Variants in UNC13B observed in about 807,000 individuals in gnomAD.
UNC13B encodes the protein protein unc-13 homolog B.
Under a neutral mutation model 211.0 loss-of-function variants are expected in UNC13B, and 144 were observed. That is an observed-to-expected ratio of 0.68 (90% CI 0.60 to 0.78). The LOEUF is 0.78. Ranked by LOEUF, UNC13B falls within the 30% of genes least tolerant of loss-of-function variation. The pLI is 0.00. For missense variants in UNC13B, 1,777 were observed against 2,002.0 expected, an observed-to-expected ratio of 0.89 and a Z score of 2.14; for synonymous variants, 709 against 725.8, an observed-to-expected ratio of 0.98 and a Z score of 0.37.
chr9:35,206,185 A>T (rs1823630807), intron 1 of UNC13B, among the ~76,000 whole-genome samples: 1 of 152,030 alleles, frequency 6.6e-6, no homozygotes, highest in Admixed American at 6.6e-5. Context: ...GCAGAGGGAG[A>T]CCCTGTCTCA....
intron 1 of UNC13B, among the ~76,000 whole-genome samples, chr9:35,218,578 G>A (rs78810349): frequency 0.02 from 3,036 of 151,360 alleles, 102 homozygotes; most frequent in African/African-American, 0.071. Flanking sequence ...TTAATTTTTT[G>A]TAGAGACAGA....
At chr9:35,235,255 C>A (rs915276704) in intron 3 of UNC13B, among the ~76,000 whole-genome samples, 3 of 151,882 alleles carry the variant, frequency 2.0e-5, no homozygotes, top group Non-Finnish European at 4.4e-5. Flanking sequence ...TATCATTATC[C>A]CATGGTAATA....
intron 11 of UNC13B, among the ~76,000 whole-genome samples, chr9:35,327,043 G>A (rs1831057891): frequency 6.6e-6 from 1 of 152,010 alleles, no homozygotes; most frequent in Non-Finnish European, 1.5e-5. Flanking sequence ...TTTTGAATTT[G>A]CCATGTTTTG....
Position 35,300,676 on chromosome 9 carries a change from G to C in UNC13B, c.1272G>C (p.Arg424Ser), listed in dbSNP as rs182299520. ...YVANSALPLQ[R>S]MNCDAKTLGD... Reference sequence around the variant, plus strand: ...CAAATTCAGCATTGCCATTACAAAGGATGAATTGTGATGCAAAAACACTTG... The same window carrying C: ...CAAATTCAGCATTGCCATTACAAAGCATGAATTGTGATGCAAAAACACTTG... The change falls in exon 9 of 40, where the codon AGG becomes AGC. Residue 424 changes from arginine to serine, a missense_variant. Coordinates refer to ENST00000635942, the MANE Select transcript of UNC13B (RefSeq NM_001371189.2). 16 of 398,956 alleles carry C rather than the reference G, an allele frequency of 4.0e-5. No individual in the cohort carries two copies. Among genetic ancestry groups the C allele is most frequent in the African/African-American group, 2.1e-5 (1 of 48,748 alleles). 24.7% of individuals were successfully genotyped at this position (398,956 alleles called of 1,614,324 possible). A position where few individuals can be genotyped will look rare whatever the true frequency, so the allele number is the denominator to read the frequency against.
intron 8 of UNC13B, 37 bp downstream of exon 8, chr9:35,295,967 A>G (rs371016864): frequency 6.5e-7 from 1 of 1,542,502 alleles, no homozygotes. Flanking sequence ...TCTTCCTAAT[A>G]TCCAGGTCTC....
intron 6 of UNC13B, among the ~76,000 whole-genome samples, chr9:35,246,230 A>G (rs1031833337): frequency 6.6e-6 from 1 of 151,094 alleles, no homozygotes; most frequent in African/African-American, 2.4e-5. Flanking sequence ...GTTTGAGTTC[A>G]TTGTAGATTC....
chr9:35,338,116 G>A (rs1168799233), intron 11 of UNC13B, among the ~76,000 whole-genome samples: 2 of 152,180 alleles, frequency 1.3e-5, no homozygotes, highest in Non-Finnish European at 2.9e-5. Flanking sequence ...TCGGGTTTAT[G>A]TGAGAGGGCA....
chr9:35,182,948 C>T (rs1321663932), intron 1 of UNC13B, among the ~76,000 whole-genome samples: 1 of 152,190 alleles, frequency 6.6e-6, no homozygotes, highest in Non-Finnish European at 1.5e-5. Context: ...GACAAAACCG[C>T]CATCGTCATC....
chr9:35,258,438 G>A (rs1170200749), intron 6 of UNC13B, among the ~76,000 whole-genome samples: 2 of 152,192 alleles, frequency 1.3e-5, no homozygotes, highest in African/African-American at 4.8e-5. Flanking sequence ...TGTGGTGGTT[G>A]TGGTGGGTGG....
chr9:35,287,949 AT>A (rs1293487903), intron 7 of UNC13B, among the ~76,000 whole-genome samples: 5 of 151,922 alleles, frequency 3.3e-5, no homozygotes, highest in African/African-American at 1.2e-4. Flanking sequence ...CCCATGTTGT[AT>A]TTTTTTCTCG....
rs1271033328 is a variant in UNC13B, at chr9:35,301,496, A to T, written c.2092A>T (p.Thr698Ser). The T allele has an allele frequency of 2.5e-6, 1 of 398,634 alleles. No individual in the cohort carries two copies. The highest frequency in any genetic ancestry group is 4.4e-6 in the Non-Finnish European group (1 of 225,934). 24.7% of individuals were successfully genotyped at this position (398,634 alleles called of 1,614,324 possible). A position where few individuals can be genotyped will look rare whatever the true frequency, so the allele number is the denominator to read the frequency against. The change falls in exon 9 of 40, where the codon ACT (threonine) becomes TCT (serine). Residue 698 changes from threonine to serine, a missense_variant. Thr to Ser is a moderately conservative substitution (Grantham distance 58, BLOSUM62 1). Coordinates refer to ENST00000635942, the MANE Select transcript of UNC13B (RefSeq NM_001371189.2). Reference sequence around the variant, plus strand: ...TTTGGAGTTAAATAAAAGGGAAGGCACTCTTGACAATTACAGTAGTAGCAT... The same window carrying T: ...TTTGGAGTTAAATAAAAGGGAAGGCTCTCTTGACAATTACAGTAGTAGCAT... Reference protein sequence around the residue: ...CGLELNKREGTLDNYSSSIIA... With the variant: ...CGLELNKREGSLDNYSSSIIA...
chr9:35,359,375 C>T (rs1833244726), intron 11 of UNC13B, among the ~76,000 whole-genome samples: 2 of 152,132 alleles, frequency 1.3e-5, no homozygotes, highest in Non-Finnish European at 2.9e-5. Flanking sequence ...TCTTGACTTC[C>T]TATGCTCACT....
At chr9:35,218,590 C>G (rs1355196710) in intron 1 of UNC13B, among the ~76,000 whole-genome samples, 1 of 151,686 alleles carries the variant, frequency 6.6e-6, no homozygotes, top group Non-Finnish European at 1.5e-5. Flanking sequence ...AGAGACAGAG[C>G]CTCACCGTGT....
chr9:35,364,113 C>T (rs1458749035), intron 11 of UNC13B, among the ~76,000 whole-genome samples: 1 of 152,186 alleles, frequency 6.6e-6, no homozygotes, highest in East Asian at 1.9e-4. Flanking sequence ...GGACTTATAC[C>T]AGATCTAGAA....
chr9:35,382,141 C>T (rs905400417), intron 20 of UNC13B, among the ~76,000 whole-genome samples: 39 of 152,140 alleles, frequency 2.6e-4, no homozygotes, highest in African/African-American at 8.7e-4. Flanking sequence ...GACCAGGACT[C>T]CTTGAATGGG....
At chr9:35,352,698 T>G (rs758420253) in intron 11 of UNC13B, 10 of 1,231,974 alleles carry the variant, frequency 8.1e-6, no homozygotes, top group Non-Finnish European at 1.0e-5. Context: ...GTGCCCAAGC[T>G]AGGGGATGAA....
chr9:35,192,295 G>A (rs945591709), intron 1 of UNC13B, among the ~76,000 whole-genome samples: 4 of 152,132 alleles, frequency 2.6e-5, no homozygotes, highest in South Asian at 2.1e-4. Context: ...CCTTCCTATC[G>A]ACAATGATGT....
At chr9:35,183,252 G>A (rs1296917997) in intron 1 of UNC13B, among the ~76,000 whole-genome samples, 1 of 132,514 alleles carries the variant, frequency 7.5e-6, no homozygotes, top group Non-Finnish European at 1.6e-5. Flanking sequence ...AGGGCGGCCG[G>A]GCAGAGGAGC....
At chr9:35,378,633 C>T (rs917336685) in intron 17 of UNC13B, among the ~76,000 whole-genome samples, 197 bp downstream of exon 17, 2 of 152,304 alleles carry the variant, frequency 1.3e-5, no homozygotes, top group East Asian at 3.9e-4. Context: ...GATTACTGTG[C>T]CCATGCCCTG....
Sources: allele counts gnomAD v4.1 joint callset (sites outside exome capture counted in the v4.1 genomes callset), GRCh38; gene constraint gnomAD v4.1.1; transcripts MANE v1.5; gene names NCBI Gene and HGNC (gene_info 2026-07-23, HGNC 2026-07-21).